FYB1: variants seen among roughly 807,000 people sequenced by gnomAD.
The protein encoded by FYB1 is FYN-binding protein 1.
In FYB1, 41 loss-of-function variants were observed where a neutral mutation model predicts 94.1. That is an observed-to-expected ratio of 0.44 (90% CI 0.34 to 0.57). The LOEUF is 0.57. Ranked by LOEUF, FYB1 falls within the 20% of genes least tolerant of loss-of-function variation. The pLI is 0.02. For synonymous variants in FYB1, 367 were observed against 353.2 expected, an observed-to-expected ratio of 1.04 and a Z score of -0.44; for missense variants, 1,050 against 976.8, an observed-to-expected ratio of 1.07 and a Z score of -1.00.
intron 2 of FYB1, among the ~76,000 whole-genome samples, chr5:39,185,059 TA>T (rs1438477832): frequency 1.3e-4 from 20 of 152,218 alleles, no homozygotes; most frequent in African/African-American, 4.6e-4. Context: ...TTAGCGTTTA[TA>T]CTTTAATTTT....
chr5:39,211,796 TAGAC>T (rs1469114641), intron 1 of FYB1, among the ~76,000 whole-genome samples: 3 of 152,154 alleles, frequency 2.0e-5, no homozygotes, highest in Admixed American at 6.5e-5. Flanking sequence ...CACGAAAACA[TAGAC>T]AGACACAGAC....
intron 1 of FYB1, among the ~76,000 whole-genome samples, chr5:39,257,045 G>A (rs1398249198): frequency 6.6e-6 from 1 of 152,142 alleles, no homozygotes; most frequent in African/African-American, 2.4e-5. Flanking sequence ...CTAAATATCT[G>A]TTATAGATCA....
At chr5:39,230,475 A>G (rs2150569661) in intron 1 of FYB1, among the ~76,000 whole-genome samples, 1 of 152,206 alleles carries the variant, frequency 6.6e-6, no homozygotes, top group East Asian at 1.9e-4. Context: ...CTATAAGACA[A>G]TAAATTTCTG....
chr5:39,206,691 A>T (rs971814965), intron 1 of FYB1, among the ~76,000 whole-genome samples: 1 of 152,160 alleles, frequency 6.6e-6, no homozygotes, highest in Non-Finnish European at 1.5e-5. Flanking sequence ...TTAATCTCAA[A>T]CTGATCTTCC....
chr5:39,134,492 T>C lies in FYB1; in HGVS notation c.1676-143A>G, dbSNP rs1471521219. ...AGTTCTGATTTGTAGACCTCCCAAGTAGACCCAAATTTTACTGTACTCTGT... is the reference window on the plus strand; with the variant it reads ...AGTTCTGATTTGTAGACCTCCCAAGCAGACCCAAATTTTACTGTACTCTGT... On this transcript the variant is annotated intron_variant, in intron 8 of 18. Coordinates refer to ENST00000512982, the MANE Select transcript of FYB1 (RefSeq NM_001465.6). 4 of 720,372 alleles carry C rather than the reference T, an allele frequency of 5.6e-6. No individual in the cohort carries two copies. The East Asian group carries it at 1.1e-4, about 20-fold the overall frequency. The allele number at this position is 720,372 out of a possible 1,614,324, so 44.6% of individuals were successfully genotyped here.
chr5:39,252,635 G>C (rs578157129), intron 1 of FYB1, among the ~76,000 whole-genome samples: 2 of 152,322 alleles, frequency 1.3e-5, no homozygotes, highest in African/African-American at 4.8e-5. Context: ...CATACAGAGA[G>C]AGACATGCAA....
intron 2 of FYB1, among the ~76,000 whole-genome samples, chr5:39,163,228 T>G (rs943709697): frequency 1.3e-5 from 2 of 152,186 alleles, no homozygotes; most frequent in Non-Finnish European, 2.9e-5. Context: ...GAATGGGAAA[T>G]TTTGAAAACC....
At chr5:39,207,540 CAGTT>C (rs1158358328) in intron 1 of FYB1, among the ~76,000 whole-genome samples, 9 of 152,252 alleles carry the variant, frequency 5.9e-5, no homozygotes, top group South Asian at 2.1e-4. Context: ...ACCAAGTAAA[CAGTT>C]AAAGGCTGAG....
chr5:39,172,297 T>A (rs1745320850), intron 2 of FYB1, among the ~76,000 whole-genome samples: 1 of 151,954 alleles, frequency 6.6e-6, no homozygotes. Context: ...TATACAAAAA[T>A]CAGCCAGGCA....
At chr5:39,175,808 G>A (rs996796405) in intron 2 of FYB1, among the ~76,000 whole-genome samples, 2 of 152,106 alleles carry the variant, frequency 1.3e-5, no homozygotes, top group Admixed American at 6.5e-5. Flanking sequence ...GGAAGGGGTT[G>A]CTTTTGGTCA....
intron 2 of FYB1, chr5:39,170,379 C>A (rs937177557): frequency 3.9e-6 from 3 of 777,436 alleles, no homozygotes; most frequent in Admixed American, 5.8e-5. Flanking sequence ...GACTCTGGGC[C>A]AGCTGCACCG....
At chr5:39,174,372 C>T (rs996388621) in intron 2 of FYB1, among the ~76,000 whole-genome samples, 2 of 152,152 alleles carry the variant, frequency 1.3e-5, no homozygotes, top group African/African-American at 2.4e-5. Context: ...AGAGATAGAA[C>T]CATAAAACCC....
chr5:39,249,133 G>A (rs1344338913), intron 1 of FYB1, among the ~76,000 whole-genome samples: 1 of 151,998 alleles, frequency 6.6e-6, no homozygotes, highest in Non-Finnish European at 1.5e-5. Flanking sequence ...GTAGGGAACA[G>A]TAAGCAGCCA....
chr5:39,207,854 G>A (rs1311825118), intron 1 of FYB1, among the ~76,000 whole-genome samples: 1 of 152,184 alleles, frequency 6.6e-6, no homozygotes, highest in Non-Finnish European at 1.5e-5. Context: ...GACCAGCCAG[G>A]GAAGGGGTTG....
chr5:39,113,275 TAAC>T (rs972627382), intron 16 of FYB1, among the ~76,000 whole-genome samples: 8 of 151,936 alleles, frequency 5.3e-5, no homozygotes, highest in African/African-American at 1.9e-4. Flanking sequence ...ACACATGAAA[TAAC>T]AACAACAACA....
chr5:39,170,612 A>T (rs1029908304), intron 2 of FYB1, among the ~76,000 whole-genome samples: 3 of 152,192 alleles, frequency 2.0e-5, no homozygotes, highest in Non-Finnish European at 4.4e-5. Context: ...TCTTAACAGT[A>T]GCCTCCTCAC....
At chr5:39,221,720 G>C (rs1380765793), upstream of FYB1, among the ~76,000 whole-genome samples, 1 of 152,124 alleles carries the variant, frequency 6.6e-6, no homozygotes, top group African/African-American at 2.4e-5. Flanking sequence ...TAATCCACTG[G>C]GTGAGGTGGC....
At chr5:39,127,090 T>C (rs1740747592) in intron 11 of FYB1, among the ~76,000 whole-genome samples, 1 of 149,152 alleles carries the variant, frequency 6.7e-6, no homozygotes, top group African/African-American at 2.5e-5. Context: ...AAAAGAAATC[T>C]TAAACTTTTA....
intron 1 of FYB1, among the ~76,000 whole-genome samples, chr5:39,232,967 T>C (rs967456390): frequency 6.6e-6 from 1 of 152,118 alleles, no homozygotes; most frequent in Non-Finnish European, 1.5e-5. Context: ...CAGTCTATCA[T>C]TGTTGGACAT....
Sources: allele counts gnomAD v4.1 joint callset (sites outside exome capture counted in the v4.1 genomes callset), GRCh38; gene constraint gnomAD v4.1.1; transcripts MANE v1.5; gene names NCBI Gene and HGNC (gene_info 2026-07-23, HGNC 2026-07-21).